MYO5B: variants seen among roughly 807,000 people sequenced by gnomAD.
MYO5B encodes myosin VB, also known as unconventional myosin-Vb.
Under a neutral mutation model 229.3 loss-of-function variants are expected in MYO5B, and 143 were observed. That is an observed-to-expected ratio of 0.62 (90% CI 0.54 to 0.72). The LOEUF (loss-of-function observed/expected upper bound fraction) is 0.72. MYO5B is among the 30% of genes least tolerant of loss of function. The pLI, the probability that MYO5B is intolerant of heterozygous loss-of-function variation, is 0.00. For missense variants in MYO5B, 2,321 were observed against 2,331.0 expected (o/e 1.00, Z 0.09); for synonymous variants, 918 against 885.2 (o/e 1.04, Z -0.66).
intron 16 of MYO5B, among the ~76,000 whole-genome samples, chr18:49,932,212 C>G (rs1273979685): frequency 6.6e-6 from 1 of 152,216 alleles, no homozygotes; most frequent in Non-Finnish European, 1.5e-5. Context: ...TTCCTGACCT[C>G]TGGCATCCCA....
At position 49,979,246 on chromosome 18, in the gene MYO5B, C is replaced by T. The variant is rs568818473; in HGVS notation, c.1056+1198G>A. Among the ~76,000 whole-genome samples the T allele has an allele frequency of 1.4e-4, 21 of 152,294 alleles. No individual in the cohort carries two copies. The East Asian group carries it at 3.7e-3, about 27-fold the overall frequency. ...ACACAGGTATATAAGCAGCAGATGT[C>T]CAAAACAGCTCCAGGGCACCTAACG... is the stretch of plus-strand genomic sequence containing the variant. On this transcript the variant is annotated intron_variant, in intron 9 of 39. Coordinates refer to ENST00000285039, the MANE Select transcript of MYO5B (RefSeq NM_001080467.3).
intron 4 of MYO5B, among the ~76,000 whole-genome samples, chr18:50,035,373 C>G (rs375633756): frequency 6.6e-6 from 1 of 152,212 alleles, no homozygotes; most frequent in Non-Finnish European, 1.5e-5. Flanking sequence ...CAAGCCACAT[C>G]TACCTTCTCT....
intron 31 of MYO5B, among the ~76,000 whole-genome samples, chr18:49,852,640 A>G (rs1040193728): frequency 1.3e-5 from 2 of 152,122 alleles, no homozygotes; most frequent in African/African-American, 4.8e-5. Context: ...GTTCAGCTCC[A>G]GAAGGTGATC....
At chr18:49,933,903 T>C (rs1323920602) in intron 16 of MYO5B, among the ~76,000 whole-genome samples, 1 of 152,218 alleles carries the variant, frequency 6.6e-6, no homozygotes, top group Non-Finnish European at 1.5e-5. Flanking sequence ...TGAGAGATAG[T>C]CTTCCTCTGT....
chr18:50,105,658 T>G (rs2031745985), intron 1 of MYO5B, among the ~76,000 whole-genome samples: 1 of 151,968 alleles, frequency 6.6e-6, no homozygotes, highest in Non-Finnish European at 1.5e-5. Flanking sequence ...TTTTTTGCAG[T>G]GTGTATTTTT....
intron 1 of MYO5B, among the ~76,000 whole-genome samples, chr18:50,087,854 C>A (rs925261381): frequency 5.3e-5 from 8 of 152,092 alleles, no homozygotes; most frequent in African/African-American, 1.7e-4. Flanking sequence ...ATGAGAAAGG[C>A]CTGGGGACTC....
At position 49,877,875 on chromosome 18, in the gene MYO5B, G is replaced by A; in HGVS notation, c.3284C>T (p.Pro1095Leu). 3 of 1,614,080 alleles carry A rather than the reference G, an allele frequency of 1.9e-6. No homozygotes were observed. Among genetic ancestry groups the A allele is most frequent in the Non-Finnish European group, 2.5e-6 (3 of 1,179,982 alleles). ...RDEMTIIKQT[P>L]GHRRNPSNQS... Reference sequence around the variant, plus strand: ...GTTTGATGGGTTCCGCCTATGACCTGGAGTTTGCTGTTCAACAAGAAAAAC... The same window carrying A: ...GTTTGATGGGTTCCGCCTATGACCTAGAGTTTGCTGTTCAACAAGAAAAAC... The change falls in exon 25 of 40, where the codon CCA becomes CTA. Residue 1095 changes from proline to leucine, a missense_variant. By Grantham distance (98) the Pro-to-Leu change is moderately conservative. Around this residue, in one of 2 missense-constraint regions of MYO5B, gnomAD observed 2,113 missense variants for 2,044.7 expected, o/e 1.03. Transcript: ENST00000285039.
rs1470207109 is a variant in MYO5B, at chr18:50,169,007, C to T, written c.27+25760G>A. Among the ~76,000 whole-genome samples, 11 of 125,822 alleles carry T rather than the reference C, an allele frequency of 8.7e-5. 3 individuals carry two copies. Among genetic ancestry groups the T allele is most frequent in the East Asian group, 2.3e-4 (1 of 4,346 alleles). 82.5% of individuals were successfully genotyped at this position (125,822 alleles called of 152,430 possible). On this transcript the variant is annotated intron_variant, in intron 1 of 39. Coordinates refer to ENST00000285039, the MANE Select transcript of MYO5B (RefSeq NM_001080467.3). ...CCCCATAAAGTCAGAGAGAGAAGGG[C>T]GAAAAAGCTATATAGGGGGCTTGGC...
intron 12 of MYO5B, among the ~76,000 whole-genome samples, chr18:49,959,571 C>T (rs2025533846): frequency 1.3e-5 from 2 of 152,168 alleles, no homozygotes; most frequent in African/African-American, 4.8e-5. Context: ...GAGTGATTTC[C>T]TTTCTTCCAG....
chr18:50,061,792 C>T (rs934647741), intron 1 of MYO5B, among the ~76,000 whole-genome samples: 1 of 152,176 alleles, frequency 6.6e-6, no homozygotes, highest in African/African-American at 2.4e-5. Context: ...CAAGGTGGAC[C>T]TTCAGGGAGA....
At chr18:49,842,731 C>T (rs1177098616) in intron 34 of MYO5B, among the ~76,000 whole-genome samples, 1 of 152,236 alleles carries the variant, frequency 6.6e-6, no homozygotes, top group Non-Finnish European at 1.5e-5. Flanking sequence ...GCACCTTTAA[C>T]ACCATGCGGC....
intron 34 of MYO5B, among the ~76,000 whole-genome samples, chr18:49,842,417 G>A (rs2144039924): frequency 6.6e-6 from 1 of 152,382 alleles, no homozygotes. Flanking sequence ...GCAGCAACCA[G>A]CAGCTCAGTG....
chr18:50,128,315 G>T (rs2032199431), intron 1 of MYO5B, among the ~76,000 whole-genome samples: 1 of 152,156 alleles, frequency 6.6e-6, no homozygotes, highest in Non-Finnish European at 1.5e-5. Flanking sequence ...TTTGAAGGGG[G>T]AGAGAGAACA....
chr18:49,863,085 G>C, intron 29 of MYO5B, 142 bp downstream of exon 29: 3 of 729,058 alleles, frequency 4.1e-6, no homozygotes, highest in Admixed American at 2.0e-5. Flanking sequence ...GGGGTTCTGA[G>C]TCAGTCTTTC....
At chr18:50,142,198 T>C (rs1032540493) in intron 1 of MYO5B, among the ~76,000 whole-genome samples, 2 of 152,202 alleles carry the variant, frequency 1.3e-5, no homozygotes, top group African/African-American at 4.8e-5. Context: ...TCCATGTTCA[T>C]CATGGGCTGG....
At chr18:49,849,513 G>A in intron 32 of MYO5B, 54 bp downstream of exon 32, 1 of 1,268,774 alleles carries the variant, frequency 7.9e-7, no homozygotes, top group Non-Finnish European at 1.2e-6. Context: ...ACACCCACAG[G>A]CGTGGCCAAG....
chr18:50,023,749 T>TG (rs1273157671), intron 4 of MYO5B, among the ~76,000 whole-genome samples: 1 of 152,060 alleles, frequency 6.6e-6, no homozygotes, highest in Non-Finnish European at 1.5e-5. Flanking sequence ...CCTGGGGCTG[T>TG]GGTAGGTAGC....
intron 14 of MYO5B, among the ~76,000 whole-genome samples, chr18:49,948,184 A>G (rs1182166376): frequency 6.6e-6 from 1 of 152,250 alleles, no homozygotes; most frequent in Non-Finnish European, 1.5e-5. Flanking sequence ...ATAAAGTTAA[A>G]ATAAGACATA....
chr18:49,999,009 T>A (rs966552338), intron 5 of MYO5B, among the ~76,000 whole-genome samples: 5 of 152,240 alleles, frequency 3.3e-5, no homozygotes, highest in African/African-American at 1.2e-4. Context: ...TTATGCTATG[T>A]GTATTTTATG....
Sources: allele counts gnomAD v4.1 joint callset (sites outside exome capture counted in the v4.1 genomes callset), GRCh38; gene constraint gnomAD v4.1.1; regional missense constraint gnomAD v4.1.1; transcripts MANE v1.5; gene names NCBI Gene and HGNC (gene_info 2026-07-23, HGNC 2026-07-21).